RAF1: variants seen among roughly 807,000 people sequenced by gnomAD.
RAF1 encodes the protein Raf-1 proto-oncogene, serine/threonine kinase.
RAF1 carries 27 observed loss-of-function variants against 81.1 expected under a neutral mutation model. That is an observed-to-expected ratio of 0.33 (90% CI 0.25 to 0.46). RAF1 has a LOEUF of 0.46. RAF1 is among the 20% of genes least tolerant of loss of function. RAF1 has a pLI of 1.00. For missense variants in RAF1, 598 were observed against 826.0 expected (o/e 0.72, Z 3.38); for synonymous variants, 298 against 294.0 (o/e 1.01, Z -0.14).
chr3:12,587,724 C>T (rs775428618), intron 13 of RAF1, 87 bp from the exon 13 acceptor site: 9 of 1,116,866 alleles, frequency 8.1e-6, no homozygotes, highest in Non-Finnish European at 1.1e-5. Context: ...AGTAAAGCCA[C>T]TGAAGGCCTG....
At chr3:12,633,934 CAAA>C (rs35322613) in intron 1 of RAF1, among the ~76,000 whole-genome samples, 1 of 95,538 alleles carries the variant, frequency 1.0e-5, no homozygotes, top group Non-Finnish European at 2.1e-5. Flanking sequence ...AAAACTCTCT[CAAA>C]AAAAAAAAAA....
intron 11 of RAF1, among the ~76,000 whole-genome samples, chr3:12,598,725 C>CAAAAAAAAAAAAAAAAAAAAAAAAA (rs59472802): frequency 2.4e-4 from 15 of 61,992 alleles, no homozygotes; most frequent in Admixed American, 3.9e-4. Context: ...GAATCTATCT[C>CAAAAAAAAAAAAAAAAAAAAAAAAA]AAAAAAAAAA....
intron 1 of RAF1, among the ~76,000 whole-genome samples, chr3:12,620,202 C>T (rs770053963): frequency 2.6e-5 from 4 of 151,976 alleles, no homozygotes; most frequent in African/African-American, 4.8e-5. Context: ...AGTGTAGTGG[C>T]GCGATCTTGG....
chr3:12,626,425 C>G (rs1227707556), intron 1 of RAF1, among the ~76,000 whole-genome samples: 1 of 151,520 alleles, frequency 6.6e-6, no homozygotes, highest in African/African-American at 2.4e-5. Flanking sequence ...CCCGTCTGTA[C>G]AAAAAAATTT....
intron 1 of RAF1, among the ~76,000 whole-genome samples, chr3:12,660,144 T>G (rs1349961394): frequency 7.4e-6 from 1 of 136,006 alleles, no homozygotes; most frequent in African/African-American, 2.7e-5. Context: ...AAGCTACTAG[T>G]CTAAGAGCAA....
chr3:12,663,076 T>G (rs1379306736), intron 1 of RAF1, among the ~76,000 whole-genome samples: 1 of 151,996 alleles, frequency 6.6e-6, no homozygotes, highest in Non-Finnish European at 1.5e-5. Context: ...ACGAGAACAA[T>G]GAATGAACAC....
intron 13 of RAF1, 91 bp from the exon 13 acceptor site, chr3:12,587,728 A>C (rs111982044): frequency 1.8e-6 from 2 of 1,089,630 alleles, no homozygotes; most frequent in Non-Finnish European, 2.8e-6. Flanking sequence ...AAGCCACTGA[A>C]GGCCTGGCTC....
At position 12,584,557 on chromosome 3, in the gene RAF1, T is replaced by C. The variant is rs772585174; in HGVS notation, c.1964A>G (p.Asn655Ser). ...CGGGGACGTGGTCAGCGTGCAAGCA[T>C]TGATATCCTCAGTGTGGGCTGCCCG... Residue 655 changes from asparagine (N) to serine (S), a missense_variant, in exon 18 of 18, where the codon AAT becomes AGT. By Grantham distance (46) the Asn-to-Ser change is conservative. This residue lies in a region of RAF1 where 147 missense variants were observed against 196.1 expected (regional missense o/e 0.75). Transcript: ENST00000442415. The C allele has an allele frequency of 3.1e-6, 5 of 1,614,156 alleles. No individual in the cohort carries two copies. Among genetic ancestry groups the C allele is most frequent in the South Asian group, 1.1e-5 (1 of 91,084 alleles).
At chr3:12,642,960 CAA>C (rs1056407870) in intron 1 of RAF1, among the ~76,000 whole-genome samples, 1 of 151,542 alleles carries the variant, frequency 6.6e-6, no homozygotes, top group African/African-American at 2.4e-5. Context: ...CAAATATAGC[CAA>C]AGAGTTTTCT....
chr3:12,635,787 C>A (rs181739702), intron 1 of RAF1, among the ~76,000 whole-genome samples: 2,189 of 150,538 alleles, frequency 0.015, 52 homozygotes, highest in African/African-American at 0.048. Context: ...TCCTGGCTAA[C>A]ACGGTGAAAC....
intron 1 of RAF1, among the ~76,000 whole-genome samples, chr3:12,625,846 T>C (rs1180529009): frequency 6.6e-6 from 1 of 152,152 alleles, no homozygotes; most frequent in East Asian, 1.9e-4. Context: ...CGAGTCATTT[T>C]CCATAATTTA....
At chr3:12,625,700 T>A (rs1209385076) in intron 1 of RAF1, among the ~76,000 whole-genome samples, 7 of 95,050 alleles carry the variant, frequency 7.4e-5, no homozygotes, top group Non-Finnish European at 1.3e-4. Context: ...AGTGAAAGAA[T>A]ATTTACCCCC....
At chr3:12,655,155 T>G (rs1408256150) in intron 1 of RAF1, among the ~76,000 whole-genome samples, 1 of 152,236 alleles carries the variant, frequency 6.6e-6, no homozygotes, top group Non-Finnish European at 1.5e-5. Context: ...CAATCTCAGC[T>G]CACTGCAACC....
chr3:12,659,445 A>AAAAAAAAAAAAAAAAAAC (rs2060806913), intron 1 of RAF1, among the ~76,000 whole-genome samples: 1 of 150,016 alleles, frequency 6.7e-6, no homozygotes, highest in Non-Finnish European at 1.5e-5. Flanking sequence ...AAAAAAAAAA[A>AAAAAAAAAAAAAAAAAAC]TTACACGCAA....
At chr3:12,585,850 T>A in intron 14 of RAF1, 51 bp from the exon 14 acceptor site, 1 of 1,340,490 alleles carries the variant, frequency 7.5e-7, no homozygotes, top group Non-Finnish European at 1.1e-6. Context: ...AGGTTAATTT[T>A]GAAAAATATC....
intron 1 of RAF1, among the ~76,000 whole-genome samples, chr3:12,623,797 C>CA (rs71063844): frequency 6.2e-4 from 75 of 121,612 alleles, no homozygotes; most frequent in Non-Finnish European, 8.9e-4. Context: ...GACTCTGTCT[C>CA]AAAAAAAAAA....
intron 13 of RAF1, chr3:12,588,748 G>C (rs2058410134): frequency 6.6e-6 from 1 of 152,134 alleles, no homozygotes; most frequent in Non-Finnish European, 1.5e-5. Context: ...CAAGTGGGTG[G>C]GAGGTATTGG....
In RAF1 at chr3:12,619,318, C is replaced by CT. The variant is rs112437833; in HGVS notation, c.-26-572dup. Reference sequence around the variant, plus strand: ...GTGGCTCATGCCTGTAATCCCAGCACTTTGGGAGGCCGAGGCCAGCGCATC... The same window carrying CT: ...GTGGCTCATGCCTGTAATCCCAGCACTTTTGGGAGGCCGAGGCCAGCGCATC... On this transcript the variant is annotated intron_variant, in intron 1 of 17. Coordinates refer to ENST00000442415, the MANE Select transcript of RAF1 (RefSeq NM_001354689.3). Among the ~76,000 whole-genome samples the CT allele has an allele frequency of 4.7e-3, 711 of 152,238 alleles. 7 individuals carry two copies. The highest frequency in any genetic ancestry group is 0.016 in the African/African-American group (660 of 41,510).
chr3:12,607,072 C>T (rs2059058079), intron 5 of RAF1, among the ~76,000 whole-genome samples: 1 of 152,178 alleles, frequency 6.6e-6, no homozygotes, highest in African/African-American at 2.4e-5. Context: ...TAACATTTCA[C>T]AAACTATGTC....
Sources: gnomAD v4.1 joint callset for allele counts (sites outside exome capture counted in the v4.1 genomes callset) on GRCh38, gnomAD v4.1.1 for gene constraint, gnomAD v4.1.1 regional missense constraint, MANE v1.5 for transcripts, NCBI Gene and HGNC (gene_info 2026-07-23, HGNC 2026-07-21) for gene names.